Variants in PPP6R3 observed in about 807,000 individuals in gnomAD.
PPP6R3 encodes serine/threonine-protein phosphatase 6 regulatory subunit 3.
In PPP6R3, 38 loss-of-function variants were observed where a neutral mutation model predicts 110.7. That is an observed-to-expected ratio of 0.34 (90% confidence interval 0.26 to 0.45). The LOEUF (loss-of-function observed/expected upper bound fraction) is 0.45, where lower values mean the gene tolerates loss of function less well. Among genes scored for constraint, PPP6R3 ranks in the 20% least tolerant of loss-of-function variants. The pLI is 1.00. For synonymous variants in PPP6R3, 369 were observed against 373.5 expected (o/e 0.99, Z 0.14); for missense variants, 870 against 1,062.4 (o/e 0.82, Z 2.52).
intron 7 of PPP6R3, among the ~76,000 whole-genome samples, chr11:68,555,265 A>G (rs536900540): frequency 6.6e-6 from 1 of 152,300 alleles, no homozygotes; most frequent in African/African-American, 2.4e-5. Context: ...AAAACATATA[A>G]GACACCCCAC....
intron 1 of PPP6R3, among the ~76,000 whole-genome samples, chr11:68,500,002 G>A (rs989267007): frequency 1.3e-5 from 2 of 152,064 alleles, no homozygotes; most frequent in African/African-American, 4.8e-5. Context: ...AGGTGAAGGA[G>A]TTCTATTAAA....
intron 14 of PPP6R3, among the ~76,000 whole-genome samples, chr11:68,578,616 T>C (rs2153813334): frequency 6.6e-6 from 1 of 152,332 alleles, no homozygotes; most frequent in Middle Eastern, 3.4e-3. Context: ...ACAGCAAGGA[T>C]ACATTCATTT....
chr11:68,500,291 T>G (rs2099041485), intron 1 of PPP6R3, among the ~76,000 whole-genome samples: 1 of 152,110 alleles, frequency 6.6e-6, no homozygotes. Flanking sequence ...CCTACCTTTT[T>G]TTTTTTGTAT....
At chr11:68,516,541 A>T (rs1442869399) in intron 1 of PPP6R3, among the ~76,000 whole-genome samples, 1 of 152,200 alleles carries the variant, frequency 6.6e-6, no homozygotes, top group Non-Finnish European at 1.5e-5. Flanking sequence ...GGTCTCAAGC[A>T]TTTTGGACAG....
rs776877148 is a variant in PPP6R3 at position 68,591,558 on chromosome 11, CCT to C, written c.1786-14_1786-13del. 1 of 1,557,100 alleles carries C rather than the reference CCT, an allele frequency of 6.4e-7. No homozygotes were observed. The highest frequency in any genetic ancestry group is 1.2e-5 in the South Asian group (1 of 82,796). ...TTTAAATTTATTTTGTTGTTTTTTTCCTCTCATTTTTATTTAGGGAAATATTG... is the reference window on the plus strand; with the variant it reads ...TTTAAATTTATTTTGTTGTTTTTTTCCTCATTTTTATTTAGGGAAATATTG... On this transcript the variant is annotated splice_polypyrimidine_tract_variant and intron_variant, in intron 17 of 23. Coordinates refer to ENST00000393800, the MANE Select transcript of PPP6R3 (RefSeq NM_001164161.2).
At chr11:68,544,817 G>T in intron 3 of PPP6R3, 21 bp from the exon 4 acceptor site, 1 of 1,514,466 alleles carries the variant, frequency 6.6e-7, no homozygotes, top group South Asian at 1.2e-5. Context: ...AGATGATGAT[G>T]TAAATATCCT....
In PPP6R3 at chr11:68,548,318, T is replaced by A. The variant is rs559014415; in HGVS notation, c.552+114T>A. 1.7e-5 allele frequency: 23 copies of A among 1,363,906 alleles called. No individual in the cohort carries two copies. In the African/African-American group the frequency reaches 3.4e-4, roughly 20 times the overall value. 84.5% of individuals were successfully genotyped at this position (1,363,906 alleles called of 1,614,324 possible). On this transcript the variant is annotated intron_variant, in intron 5 of 23. Coordinates refer to ENST00000393800, the MANE Select transcript of PPP6R3 (RefSeq NM_001164161.2). ...GGGATTAGGGTTGGTAGCAGAGGGT[T>A]GTCTGGGGAGCCGGTAACAGGGTGG...
intron 1 of PPP6R3, among the ~76,000 whole-genome samples, chr11:68,518,193 T>A (rs2099146441): frequency 6.6e-6 from 1 of 152,196 alleles, no homozygotes; most frequent in Admixed American, 6.5e-5. Context: ...ATATTATGAA[T>A]TAATTACAAA....
intron 22 of PPP6R3, 189 bp from the exon 23 acceptor site, chr11:68,609,715 T>G (rs1298475635): frequency 1.3e-6 from 2 of 1,571,454 alleles, no homozygotes; most frequent in Non-Finnish European, 1.8e-6. Context: ...TGTGCGACCC[T>G]TTCCTTTTGT....
At chr11:68,494,065 T>A (rs2099000479) in intron 1 of PPP6R3, among the ~76,000 whole-genome samples, 1 of 146,716 alleles carries the variant, frequency 6.8e-6, no homozygotes, top group African/African-American at 2.5e-5. Flanking sequence ...ATTGCGCCAC[T>A]GTACTCCAGC....
chr11:68,592,367 A>G (rs1593768142), intron 18 of PPP6R3, among the ~76,000 whole-genome samples: 1 of 152,222 alleles, frequency 6.6e-6, no homozygotes, highest in African/African-American at 2.4e-5. Context: ...TTTACTTATA[A>G]TAAGTAATGT....
chr11:68,573,988 G>T, intron 12 of PPP6R3, 121 bp from the exon 13 acceptor site: 2 of 655,812 alleles, frequency 3.0e-6, no homozygotes, highest in East Asian at 2.7e-5. Flanking sequence ...TCTGTCCATC[G>T]TCATTTTCTT....
chr11:68,580,544 A>G (rs577998885), intron 14 of PPP6R3, among the ~76,000 whole-genome samples: 9 of 152,068 alleles, frequency 5.9e-5, no homozygotes, highest in Non-Finnish European at 1.3e-4. Flanking sequence ...TTTTGAAGGT[A>G]GAGTGGACAT....
intron 1 of PPP6R3, among the ~76,000 whole-genome samples, chr11:68,472,874 G>A (rs1282753819): frequency 8.6e-5 from 13 of 152,026 alleles, no homozygotes; most frequent in Admixed American, 7.9e-4. Flanking sequence ...TTTCAACTTA[G>A]CATGTTTTCA....
chr11:68,587,082 A>C (rs2099580863), intron 15 of PPP6R3: 1 of 152,228 alleles, frequency 6.6e-6, no homozygotes, highest in Non-Finnish European at 1.5e-5. Context: ...ACTCCTGATT[A>C]ATACGTAAGA....
At chr11:68,595,190 C>T (rs1445230480) in intron 18 of PPP6R3, among the ~76,000 whole-genome samples, 1 of 140,002 alleles carries the variant, frequency 7.1e-6, no homozygotes, top group African/African-American at 2.6e-5. Context: ...AAACACAATA[C>T]ATAAAAATAA....
chr11:68,612,626 TCCC>T (rs34260086), intron 23 of PPP6R3, among the ~76,000 whole-genome samples: 50 of 151,966 alleles, frequency 3.3e-4, no homozygotes, highest in African/African-American at 1.2e-3. Context: ...TTTCCTTTTT[TCCC>T]CCCTTTCCTA....
Position 68,580,099 on chromosome 11 carries a change from G to A in PPP6R3, c.1546-2944G>A, listed in dbSNP as rs11228286. Among the ~76,000 whole-genome samples the A allele has an allele frequency of 4.8e-4, 73 of 152,256 alleles. 1 individual carries two copies. Among genetic ancestry groups the A allele is most frequent in the Non-Finnish European group, 4.6e-4 (31 of 68,012 alleles). ...TCAAGGAAAATCTCACTGGGAAGGT[G>A]CATTTGTGGAGTGGAGAGGGAAGAG... On this transcript the variant is annotated intron_variant, in intron 14 of 23. Transcript: ENST00000393800.
intron 1 of PPP6R3, among the ~76,000 whole-genome samples, chr11:68,468,160 A>T (rs1023355025): frequency 2.0e-5 from 3 of 152,204 alleles, no homozygotes; most frequent in African/African-American, 7.2e-5. Context: ...ATTCCATAGG[A>T]TTGTGATGTT....
Sources: allele counts gnomAD v4.1 joint callset (sites outside exome capture counted in the v4.1 genomes callset), GRCh38; gene constraint gnomAD v4.1.1; transcripts MANE v1.5; gene names NCBI Gene and HGNC (gene_info 2026-07-23, HGNC 2026-07-21).